Variants in USP7 observed in about 807,000 individuals in gnomAD.
USP7 encodes ubiquitin C-terminal hydrolase 7.
In USP7, 9 loss-of-function variants were observed where a neutral mutation model predicts 162.9. The ratio of observed to expected loss-of-function variants is 0.06; its 90% CI spans 0.03 to 0.10. USP7 has a LOEUF of 0.10. USP7 is among the 10% of genes least tolerant of loss of function. The pLI, the probability that USP7 is intolerant of heterozygous loss-of-function variation, is 1.00. For missense variants in USP7, 715 were observed against 1,373.7 expected (o/e 0.52, Z 7.58); for synonymous variants, 562 against 475.9 (o/e 1.18, Z -2.35).
chr16:8,940,625 G>T (rs1898998056), intron 1 of USP7, among the ~76,000 whole-genome samples: 1 of 152,080 alleles, frequency 6.6e-6, no homozygotes, highest in Non-Finnish European at 1.5e-5. Context: ...GGACGATGGT[G>T]GCAGCCAAAA....
intron 1 of USP7, 46 bp downstream of exon 1, chr16:8,963,161 T>G: frequency 7.3e-7 from 1 of 1,374,848 alleles, no homozygotes; most frequent in East Asian, 3.7e-5. Context: ...CCGGCCACAA[T>G]GAAAGGCGCC....
intron 1 of USP7, among the ~76,000 whole-genome samples, chr16:8,949,280 G>T (rs1053585148): frequency 6.6e-6 from 1 of 152,184 alleles, no homozygotes; most frequent in Non-Finnish European, 1.5e-5. Context: ...AGGTTAACTG[G>T]CATTTAACAT....
chr16:8,897,765 G>GT (rs1430912131), intron 25 of USP7, among the ~76,000 whole-genome samples: 3 of 130,844 alleles, frequency 2.3e-5, no homozygotes, highest in African/African-American at 8.9e-5. Flanking sequence ...TGGGCGTGGT[G>GT]ACATACACCT....
chr16:8,929,267 C>T (rs1898186253), intron 2 of USP7: 4 of 337,780 alleles, frequency 1.2e-5, no homozygotes, highest in South Asian at 2.2e-5. Context: ...CCTCCAAAAG[C>T]CCAACAACCA....
chr16:8,904,638 C>G, intron 14 of USP7, 73 bp from the exon 15 acceptor site: 1 of 1,565,666 alleles, frequency 6.4e-7, no homozygotes, highest in Non-Finnish European at 8.6e-7. Context: ...GATTCTAGGT[C>G]ATCATTAATA....
intron 3 of USP7, among the ~76,000 whole-genome samples, chr16:8,921,574 T>A (rs1897691964): frequency 6.6e-6 from 1 of 152,208 alleles, no homozygotes; most frequent in African/African-American, 2.4e-5. Context: ...TCTATACAAT[T>A]TTGACCTCTG....
intron 1 of USP7, among the ~76,000 whole-genome samples, chr16:8,941,210 G>C (rs1288582969): frequency 6.6e-6 from 1 of 152,110 alleles, no homozygotes; most frequent in East Asian, 1.9e-4. Flanking sequence ...CTGGATACCT[G>C]AAACCTCTTG....
Position 8,893,109 on chromosome 16 carries a change from T to C in USP7, c.*889A>G, listed in dbSNP as rs2061625300. On this transcript the variant is annotated 3_prime_UTR_variant, in exon 31 of 31. Coordinates refer to ENST00000344836, the MANE Select transcript of USP7 (RefSeq NM_003470.3). ...ACATGTTCATTCATTAAATATACAATTCATTTTTCCTTTTTTTTTCATTTT... is the reference window on the plus strand; with the variant it reads ...ACATGTTCATTCATTAAATATACAACTCATTTTTCCTTTTTTTTTCATTTT... 6.6e-6 allele frequency: 1 copy of C among 152,212 alleles called. No homozygotes were observed. 9.4% of individuals were successfully genotyped at this position (152,212 alleles called of 1,614,324 possible).
intron 1 of USP7, chr16:8,949,574 G>C (rs1039035373): frequency 2.6e-5 from 4 of 152,314 alleles, no homozygotes; most frequent in African/African-American, 9.7e-5. Context: ...CCGAGCTCAA[G>C]TCCTAAGCCT....
intron 2 of USP7, among the ~76,000 whole-genome samples, chr16:8,926,147 C>G (rs1166755755): frequency 9.0e-6 from 1 of 111,228 alleles, no homozygotes; most frequent in Non-Finnish European, 1.9e-5. Context: ...GAGCGAGACT[C>G]CGTCTCAAAA....
chr16:8,921,965 A>G (rs1435275674), intron 3 of USP7, among the ~76,000 whole-genome samples: 1 of 152,240 alleles, frequency 6.6e-6, no homozygotes, highest in Non-Finnish European at 1.5e-5. Context: ...CTTCAGGACA[A>G]GGGTAGGACA....
At chr16:8,911,248 G>A (rs2061942061) in intron 10 of USP7, among the ~76,000 whole-genome samples, 1 of 152,168 alleles carries the variant, frequency 6.6e-6, no homozygotes, top group African/African-American at 2.4e-5. Flanking sequence ...GGTCAACACG[G>A]GGTGGGGTGG....
chr16:8,924,660 T>C (rs748853352), intron 2 of USP7, among the ~76,000 whole-genome samples: 27 of 152,258 alleles, frequency 1.8e-4, no homozygotes, highest in Non-Finnish European at 2.9e-5. Context: ...CAAAGTTCAC[T>C]AACAACTGAG....
chr16:8,927,835 CAAAAT>C (rs1177437338), intron 2 of USP7, among the ~76,000 whole-genome samples: 7 of 152,116 alleles, frequency 4.6e-5, no homozygotes, highest in Non-Finnish European at 7.4e-5. Flanking sequence ...GAACCTATCT[CAAAAT>C]AAAATAAAAT....
intron 1 of USP7, among the ~76,000 whole-genome samples, chr16:8,932,141 C>A (rs918269949): frequency 9.9e-5 from 15 of 152,166 alleles, no homozygotes; most frequent in African/African-American, 3.1e-4. Flanking sequence ...TAAAATGGTA[C>A]TCCCCACCAC....
At chr16:8,918,527 T>C (rs992329680) in intron 6 of USP7, among the ~76,000 whole-genome samples, 4 of 152,232 alleles carry the variant, frequency 2.6e-5, no homozygotes, top group African/African-American at 4.8e-5. Context: ...AATTAGGTCA[T>C]GGCTGGGCAT....
intron 1 of USP7, among the ~76,000 whole-genome samples, chr16:8,945,564 G>C (rs1315539893): frequency 6.6e-6 from 1 of 152,120 alleles, no homozygotes; most frequent in African/African-American, 2.4e-5. Context: ...ATTCATAAGA[G>C]GAAAATCACT....
Position 8,955,772 on chromosome 16 carries a change from C to T in USP7, c.79+7435G>A, listed in dbSNP as rs190877961. Among the ~76,000 whole-genome samples, 24 of 151,634 alleles carry T rather than the reference C, an allele frequency of 1.6e-4. No homozygotes were observed. In the East Asian group the frequency reaches 3.9e-3, roughly 24 times the overall value. On this transcript the variant is annotated intron_variant, in intron 1 of 30. Transcript: ENST00000344836. ...GAGTCATGAAATATAATTTATTCCC[C>T]AAAGTCTTATTGATGAAATGTGCTT...
At chr16:8,923,832 A>G (rs1897843009) in intron 2 of USP7, among the ~76,000 whole-genome samples, 2 of 152,206 alleles carry the variant, frequency 1.3e-5, no homozygotes, top group South Asian at 4.1e-4. Flanking sequence ...CTGACTTTAC[A>G]GAGCACGGAA....
Sources: allele counts gnomAD v4.1 joint callset (sites outside exome capture counted in the v4.1 genomes callset), GRCh38; gene constraint gnomAD v4.1.1; transcripts MANE v1.5; gene names NCBI Gene and HGNC (gene_info 2026-07-23, HGNC 2026-07-21).